The following COMMD8 variants were observed in gnomAD, a reference collection of about 807,000 sequenced individuals.
The protein encoded by COMMD8 is COMM domain containing 8.
Under a neutral mutation model 27.2 loss-of-function variants are expected in COMMD8, and 28 were observed. The observed-to-expected ratio is 1.03, with a 90% CI of 0.76 to 1.41. The LOEUF (loss-of-function observed/expected upper bound fraction) is 1.41, where lower values mean the gene tolerates loss of function less well. Ranked by LOEUF, COMMD8 falls within the 40% of genes most tolerant of loss-of-function variation. COMMD8 has a pLI of 0.00. For missense variants in COMMD8, 217 were observed against 211.2 expected (o/e 1.03, Z -0.17); for synonymous variants, 79 against 75.5 (o/e 1.05, Z -0.24).
chr4:47,454,354 T>A (rs79986824), intron 3 of COMMD8, among the ~76,000 whole-genome samples: 1 of 152,344 alleles, frequency 6.6e-6, no homozygotes, highest in African/African-American at 2.4e-5. Flanking sequence ...AAGGTAAGTG[T>A]CATGTTTCTA....
Position 47,453,065 on chromosome 4 carries a change from C to A in COMMD8, c.525G>T (p.Ala175=). 6.3e-7 allele frequency: 1 copy of A among 1,598,888 alleles called. No individual in the cohort carries two copies. Among genetic ancestry groups the A allele is most frequent in the South Asian group, 1.1e-5 (1 of 88,496 alleles). ...ACAAAATTATAGCAAATACCTTATT[C>A]GCTGCTTCCAAGGACTGTATTAGAT... ...LQNLIQSLEA[A]NKVVLQLK is the part of the protein sequence containing the mutation. The change falls in exon 4 of 5, where the codon GCG becomes GCT. Residue 175 remains alanine, a synonymous_variant. Transcript: ENST00000381571.
At chr4:47,463,176 G>GA (rs946217289) in intron 1 of COMMD8, among the ~76,000 whole-genome samples, 1 of 4,756 alleles carries the variant, frequency 2.1e-4, no homozygotes, top group African/African-American at 3.4e-4. Flanking sequence ...CCACCCTCAA[G>GA]GGGGGAGGCA....
intron 4 of COMMD8, 25 bp from the exon 5 acceptor site, chr4:47,451,690 A>C: frequency 6.4e-7 from 1 of 1,552,940 alleles, no homozygotes; most frequent in South Asian, 1.2e-5. Flanking sequence ...TGAAGAGAAA[A>C]TATCAGGTTA....
intron 3 of COMMD8, among the ~76,000 whole-genome samples, chr4:47,454,864 CAAAAAAAAAAAA>C (rs1187989270): frequency 2.5e-5 from 1 of 39,510 alleles, no homozygotes; most frequent in Non-Finnish European, 4.5e-5. Flanking sequence ...AACTCCATCT[CAAAAAAAAAAAA>C]AAAAAAAAAA....
chr4:47,459,965 TAAAAACAACC>T (rs1729981908), intron 2 of COMMD8, 169 bp downstream of exon 2: 3 of 480,114 alleles, frequency 6.2e-6, no homozygotes, highest in Non-Finnish European at 7.2e-6. Flanking sequence ...CACAAAAGAG[TAAAAACAACC>T]AAAAACAAAA....
At chr4:47,456,112 G>A (rs983746079) in intron 3 of COMMD8, among the ~76,000 whole-genome samples, 4 of 151,678 alleles carry the variant, frequency 2.6e-5, no homozygotes, top group African/African-American at 9.7e-5. Flanking sequence ...CCGGGCATGG[G>A]GGCACATGCC....
At chr4:47,457,823 T>G (rs921338535) in intron 2 of COMMD8, among the ~76,000 whole-genome samples, 1 of 144,808 alleles carries the variant, frequency 6.9e-6, no homozygotes, top group African/African-American at 2.6e-5. Context: ...ACCTTGACAA[T>G]AGTATTATAG....
In COMMD8 at chr4:47,451,291, C is replaced by A; in HGVS notation, c.*354G>T. ...TTCACACAATTCTTTAAGCAATATT[C>A]AAGTATATTTGTGCTTTATATTTTT... On this transcript the variant is annotated 3_prime_UTR_variant, in exon 5 of 5. Transcript: ENST00000381571. 1 of 235,968 alleles carries A rather than the reference C, an allele frequency of 4.2e-6. No homozygotes were observed. The highest frequency in any genetic ancestry group is 8.2e-6 in the Non-Finnish European group (1 of 121,482). The allele number at this position is 235,968 out of a possible 1,614,324, so 14.6% of individuals were successfully genotyped here.
intron 1 of COMMD8, 124 bp from the exon 2 acceptor site, chr4:47,460,423 G>T: frequency 1.4e-6 from 1 of 709,248 alleles, no homozygotes; most frequent in Non-Finnish European, 2.3e-6. Context: ...AAGTTAAAAT[G>T]TATAAACCAC....
Position 47,451,191 on chromosome 4 carries a change from T to C in COMMD8, c.*454A>G, listed in dbSNP as rs1195060546. 1 of 155,966 alleles carries C rather than the reference T, an allele frequency of 6.4e-6. No homozygotes were observed. The highest frequency in any genetic ancestry group is 2.4e-5 in the African/African-American group (1 of 41,496). 9.7% of individuals were successfully genotyped at this position (155,966 alleles called of 1,614,324 possible). A position where few individuals can be genotyped will look rare whatever the true frequency, so the allele number is the denominator to read the frequency against. The stretch of plus-strand genomic sequence containing the variant: ...GACATGGAATCTCCTGAGTTATATA[T>C]GCAGCTTATACATTCTTTGAAAAAA... On this transcript the variant is annotated 3_prime_UTR_variant, in exon 5 of 5. Coordinates refer to ENST00000381571, the MANE Select transcript of COMMD8 (RefSeq NM_017845.5).
chr4:47,452,966 C>T, intron 4 of COMMD8, 93 bp downstream of exon 4: 1 of 1,158,232 alleles, frequency 8.6e-7, no homozygotes, highest in Non-Finnish European at 1.2e-6. Context: ...GTTGCCCCTC[C>T]AGCCTGGGTG....
chr4:47,461,192 T>A (rs1730016549), intron 1 of COMMD8, among the ~76,000 whole-genome samples: 1 of 152,198 alleles, frequency 6.6e-6, no homozygotes, highest in Admixed American at 6.5e-5. Context: ...CCTCCTCCAA[T>A]TCATGCCTTC....
In COMMD8 at chr4:47,463,698, T is replaced by A. The variant is rs576133761; in HGVS notation, c.-47A>T. The A allele has an allele frequency of 2.5e-5, 38 of 1,505,134 alleles. No individual in the cohort carries two copies. The highest frequency in any genetic ancestry group is 7.4e-5 in the South Asian group (6 of 80,610). The allele number at this position is 1,505,134 out of a possible 1,614,324, so 93.2% of individuals were successfully genotyped here. On this transcript the variant is annotated 5_prime_UTR_variant, in exon 1 of 5. Transcript: ENST00000381571. ...GGGTCACGTGTCAAGGCTGGCCGCT[T>A]GTCTAAAGCTACGACTCGCCCACGT...
intron 3 of COMMD8, among the ~76,000 whole-genome samples, 164 bp downstream of exon 3, chr4:47,456,413 G>A (rs1729891575): frequency 6.7e-6 from 1 of 150,152 alleles, no homozygotes; most frequent in Non-Finnish European, 1.5e-5. Context: ...TGTTTGTAGT[G>A]TACTTATGCC....
In COMMD8 at chr4:47,452,921, G is replaced by C. The variant is rs961512505; in HGVS notation, c.531+138C>G. On this transcript the variant is annotated intron_variant, in intron 4 of 4. Coordinates refer to ENST00000381571, the MANE Select transcript of COMMD8 (RefSeq NM_017845.5). ...TCAGGCACGAGAATCGCTTGAACTC[G>C]GGAGGCGGAGGTTGCAGTGAGCCGA... The C allele has an allele frequency of 6.4e-6, 4 of 620,870 alleles. No individual in the cohort carries two copies. In the Admixed American group the frequency reaches 8.4e-5, roughly 13 times the overall value. The allele number at this position is 620,870 out of a possible 1,614,324, so 38.5% of individuals were successfully genotyped here.
intron 2 of COMMD8, among the ~76,000 whole-genome samples, chr4:47,458,623 G>A (rs1156548845): frequency 6.6e-6 from 1 of 151,990 alleles, no homozygotes; most frequent in Non-Finnish European, 1.5e-5. Context: ...CCCCATAAAT[G>A]ATCTCTATCA....
In COMMD8 at chr4:47,463,573, T is replaced by G. The variant is rs764589362; in HGVS notation, c.66+13A>C. 7.1e-5 allele frequency: 109 copies of G among 1,542,168 alleles called. No individual in the cohort carries two copies. Among genetic ancestry groups the G allele is most frequent in the Non-Finnish European group, 8.8e-5 (101 of 1,145,600 alleles). Reference sequence around the variant, plus strand: ...CCAGGCCCCGCGCCGCTTCCCCCGGTACCCGCCCTCACCTGCGGGCCCAGC... The same window carrying G: ...CCAGGCCCCGCGCCGCTTCCCCCGGGACCCGCCCTCACCTGCGGGCCCAGC... On this transcript the variant is annotated intron_variant, in intron 1 of 4. Coordinates refer to ENST00000381571, the MANE Select transcript of COMMD8 (RefSeq NM_017845.5).
chr4:47,462,329 G>A (rs1021078331), intron 1 of COMMD8, among the ~76,000 whole-genome samples: 2 of 152,102 alleles, frequency 1.3e-5, no homozygotes, highest in Admixed American at 6.5e-5. Flanking sequence ...TGTGAAAAGG[G>A]GGGGCCATGG....
intron 3 of COMMD8, among the ~76,000 whole-genome samples, chr4:47,456,109 TG>T (rs1020586346): frequency 1.3e-5 from 2 of 151,722 alleles, no homozygotes; most frequent in Non-Finnish European, 2.9e-5. Context: ...TAGCCGGGCA[TG>T]GGGGCACATG....
Sources: allele counts gnomAD v4.1 joint callset (sites outside exome capture counted in the v4.1 genomes callset), GRCh38; gene constraint gnomAD v4.1.1; transcripts MANE v1.5; gene names NCBI Gene and HGNC (gene_info 2026-07-23, HGNC 2026-07-21).